Variants in ITGAV observed in about 807,000 individuals in gnomAD.
ITGAV encodes integrin alpha-V.
In ITGAV, 76 loss-of-function variants were observed where a neutral mutation model predicts 143.8. The observed-to-expected ratio is 0.53, with a 90% CI of 0.44 to 0.64. The LOEUF (loss-of-function observed/expected upper bound fraction) is 0.64. ITGAV is among the 30% of genes least tolerant of loss of function. The pLI is 0.00. For synonymous variants in ITGAV, 453 were observed against 446.7 expected (o/e 1.01, Z -0.18); for missense variants, 1,193 against 1,274.7 (o/e 0.94, Z 0.98).
intron 24 of ITGAV, 95 bp from the exon 25 acceptor site, chr2:186,668,667 C>A: frequency 9.3e-7 from 1 of 1,078,798 alleles, no homozygotes; most frequent in South Asian, 1.4e-5. Flanking sequence ...TATTTAAAAC[C>A]TATTGCTAAC....
chr2:186,669,020 T>C (rs1380954045), intron 25 of ITGAV, 100 bp downstream of exon 25: 3 of 1,071,238 alleles, frequency 2.8e-6, no homozygotes, highest in Admixed American at 2.6e-5. Context: ...TATTTTAATA[T>C]AAAACCCACT....
At chr2:186,612,727 A>G (rs754391440) in intron 2 of ITGAV, among the ~76,000 whole-genome samples, 7 of 152,158 alleles carry the variant, frequency 4.6e-5, no homozygotes, top group Non-Finnish European at 1.0e-4. Context: ...ACCCTAAACT[A>G]ACTTCCTTTA....
Position 186,668,847 on chromosome 2 carries a change from A to T in ITGAV, c.2519A>T (p.Tyr840Phe). The change falls in exon 25 of 30, where the codon TAT (tyrosine) becomes TTT (phenylalanine). Residue 840 changes from tyrosine to phenylalanine, a missense_variant. Tyr to Phe is a conservative substitution (Grantham distance 22). Coordinates refer to ENST00000261023, the MANE Select transcript of ITGAV (RefSeq NM_002210.5). ...PYKYNNNTLLYILHYDIDGPM... is the reference protein window; with the variant it reads ...PYKYNNNTLLFILHYDIDGPM... ...AAATATAATAATAACACTCTGTTGT[A>T]TATCCTTCATTATGATATTGATGGA... The T allele has an allele frequency of 6.2e-7, 1 of 1,613,052 alleles. No homozygotes were observed. The highest frequency in any genetic ancestry group is 8.5e-7 in the Non-Finnish European group (1 of 1,179,156).
chr2:186,641,776 T>G, intron 12 of ITGAV, 188 bp downstream of exon 12: 2 of 584,856 alleles, frequency 3.4e-6, no homozygotes, highest in Non-Finnish European at 6.1e-6. Flanking sequence ...GAGCAAAGAT[T>G]TCAATAATGG....
chr2:186,614,799 T>C (rs1687307784), intron 2 of ITGAV, among the ~76,000 whole-genome samples: 1 of 152,022 alleles, frequency 6.6e-6, no homozygotes, highest in Admixed American at 6.6e-5. Context: ...TATACATTTC[T>C]GTTCAATGCT....
At chr2:186,624,443 G>T (rs1687617642) in intron 3 of ITGAV, among the ~76,000 whole-genome samples, 2 of 152,122 alleles carry the variant, frequency 1.3e-5, no homozygotes, top group Admixed American at 1.3e-4. Flanking sequence ...CTAGGCAGAA[G>T]GAGGTGCAAA....
intron 12 of ITGAV, among the ~76,000 whole-genome samples, chr2:186,644,831 A>G (rs527728895): frequency 6.6e-6 from 1 of 151,766 alleles, no homozygotes. Flanking sequence ...AAAAAAAAAA[A>G]AGTACCTCAA....
chr2:186,625,577 A>G lies in ITGAV; in HGVS notation c.513A>G (p.Pro171=), dbSNP rs768218664. The part of the protein sequence containing the change: ...QDGTKTVEYA[P]CRSQDIDADG... ...GAACAAAGACTGTTGAGTATGCTCCATGTAGATCACGTATGTATAGGATAT... is the reference window on the plus strand; with the variant it reads ...GAACAAAGACTGTTGAGTATGCTCCGTGTAGATCACGTATGTATAGGATAT... The change falls in exon 4 of 30, where the codon CCA becomes CCG. Residue 171 remains proline (P), a synonymous_variant. Transcript: ENST00000261023. 6.2e-7 allele frequency: 1 copy of G among 1,610,202 alleles called. No individual in the cohort carries two copies. The highest frequency in any genetic ancestry group is 8.5e-7 in the Non-Finnish European group (1 of 1,176,784).
chr2:186,628,003 A>C (rs1050238621), intron 4 of ITGAV, among the ~76,000 whole-genome samples: 2 of 152,274 alleles, frequency 1.3e-5, no homozygotes, highest in East Asian at 3.9e-4. Flanking sequence ...TCAGAGAAGA[A>C]GACTCAGGAG....
At chr2:186,651,114 C>T (rs993194203) in intron 14 of ITGAV, among the ~76,000 whole-genome samples, 1 of 152,112 alleles carries the variant, frequency 6.6e-6, no homozygotes, top group South Asian at 2.1e-4. Context: ...TTCCTCATGA[C>T]GTAGAATATC....
intron 10 of ITGAV, among the ~76,000 whole-genome samples, chr2:186,639,996 T>A (rs1307558137): frequency 6.6e-6 from 1 of 152,226 alleles, no homozygotes; most frequent in African/African-American, 2.4e-5. Context: ...CCAATTACAC[T>A]GTATCAACCC....
intron 2 of ITGAV, among the ~76,000 whole-genome samples, chr2:186,602,799 C>G (rs1367226554): frequency 6.6e-6 from 1 of 150,712 alleles, no homozygotes; most frequent in East Asian, 2.0e-4. Flanking sequence ...ATCTCTTGAA[C>G]CTGGGAGGTG....
chr2:186,670,117 A>T (rs1689023928), intron 26 of ITGAV, among the ~76,000 whole-genome samples: 1 of 152,214 alleles, frequency 6.6e-6, no homozygotes, highest in African/African-American at 2.4e-5. Flanking sequence ...TTAGTACGAT[A>T]CTAAAAAATC....
chr2:186,654,958 T>A (rs866695987), intron 16 of ITGAV, among the ~76,000 whole-genome samples: 9 of 152,304 alleles, frequency 5.9e-5, no homozygotes, highest in Middle Eastern at 3.4e-3. Context: ...ATATGACCTT[T>A]AGAAGTTTAA....
chr2:186,630,293 A>G (rs900518517), intron 4 of ITGAV, among the ~76,000 whole-genome samples: 1 of 151,970 alleles, frequency 6.6e-6, no homozygotes, highest in Non-Finnish European at 1.5e-5. Flanking sequence ...GGAATTTTTA[A>G]CTTGCAGATC....
chr2:186,601,652 C>G (rs1686910231), intron 1 of ITGAV, among the ~76,000 whole-genome samples: 1 of 151,830 alleles, frequency 6.6e-6, no homozygotes, highest in Non-Finnish European at 1.5e-5. Context: ...CACACACACA[C>G]ACACCAGAAC....
At chr2:186,635,890 C>T (rs1271387905) in intron 6 of ITGAV, among the ~76,000 whole-genome samples, 192 bp from the exon 7 acceptor site, 2 of 152,062 alleles carry the variant, frequency 1.3e-5, no homozygotes, top group African/African-American at 4.8e-5. Flanking sequence ...TAAGTACTGG[C>T]TTAAACAGAA....
At chr2:186,627,217 G>A (rs374148156) in intron 4 of ITGAV, among the ~76,000 whole-genome samples, 13 of 152,198 alleles carry the variant, frequency 8.5e-5, no homozygotes, top group Non-Finnish European at 1.5e-4. Context: ...CATCAAGTAC[G>A]TGTAGAGAAG....
At chr2:186,594,440 G>A (rs1379819172) in intron 1 of ITGAV, among the ~76,000 whole-genome samples, 1 of 152,016 alleles carries the variant, frequency 6.6e-6, no homozygotes, top group African/African-American at 2.4e-5. Flanking sequence ...TCCTTTTTAA[G>A]GTTTTCTTGA....
Sources: allele counts gnomAD v4.1 joint callset (sites outside exome capture counted in the v4.1 genomes callset), GRCh38; gene constraint gnomAD v4.1.1; transcripts MANE v1.5; gene names NCBI Gene and HGNC (gene_info 2026-07-23, HGNC 2026-07-21).